CADPS2: variants seen among roughly 807,000 people sequenced by gnomAD.
CADPS2 encodes the protein calcium dependent secretion activator 2, also known as calcium-dependent secretion activator 2.
CADPS2 carries 93 observed loss-of-function variants against 172.5 expected under a neutral mutation model. The observed-to-expected ratio is 0.54, with a 90% CI of 0.46 to 0.64. CADPS2 has a LOEUF of 0.64. Ranked by LOEUF, CADPS2 falls within the 30% of genes least tolerant of loss-of-function variation. The pLI is 0.00. For synonymous variants in CADPS2, 546 were observed against 555.2 expected (o/e 0.98, Z 0.23); for missense variants, 1,420 against 1,565.9 (o/e 0.91, Z 1.57).
chr7:122,811,296 T>C (rs1354011319), intron 1 of CADPS2, among the ~76,000 whole-genome samples: 1 of 152,186 alleles, frequency 6.6e-6, no homozygotes, highest in African/African-American at 2.4e-5. Context: ...AAGTAGCATA[T>C]GGCTGCCTTC....
chr7:122,873,770 A>C (rs1471671682), intron 1 of CADPS2, among the ~76,000 whole-genome samples: 1 of 152,190 alleles, frequency 6.6e-6, no homozygotes. Flanking sequence ...TAGTTAAACT[A>C]ATTTACACTC....
chr7:122,568,487 TATATA>T (rs983757792), intron 7 of CADPS2, among the ~76,000 whole-genome samples: 7 of 152,100 alleles, frequency 4.6e-5, no homozygotes, highest in African/African-American at 1.4e-4. Flanking sequence ...ACCTAATAGC[TATATA>T]ATATAATATT....
chr7:122,347,871 A>T (rs577465350), intron 27 of CADPS2, among the ~76,000 whole-genome samples: 6 of 152,310 alleles, frequency 3.9e-5, no homozygotes, highest in African/African-American at 1.4e-4. Context: ...TGCCTCTCAA[A>T]CTTTGTCAAA....
At chr7:122,717,974 C>G (rs1224362332) in intron 2 of CADPS2, among the ~76,000 whole-genome samples, 1 of 129,700 alleles carries the variant, frequency 7.7e-6, no homozygotes. Flanking sequence ...CCACACTCGG[C>G]TAATTTTTTT....
At chr7:122,428,022 A>G (rs950448996) in intron 17 of CADPS2, among the ~76,000 whole-genome samples, 42 of 152,192 alleles carry the variant, frequency 2.8e-4, no homozygotes, top group African/African-American at 8.7e-4. Context: ...GATACCTTAC[A>G]GTTTGGTTGT....
intron 14 of CADPS2, among the ~76,000 whole-genome samples, chr7:122,466,841 G>T (rs570416668): frequency 6.6e-6 from 1 of 152,272 alleles, no homozygotes; most frequent in East Asian, 1.9e-4. Flanking sequence ...CATCAGTAGA[G>T]GAGCCAGAAC....
intron 2 of CADPS2, among the ~76,000 whole-genome samples, chr7:122,719,485 A>T (rs1265118696): frequency 1.3e-5 from 2 of 152,166 alleles, no homozygotes; most frequent in Non-Finnish European, 2.9e-5. Flanking sequence ...TTTGAAAAAC[A>T]AAGGCATGCT....
chr7:122,864,678 A>T (rs950142620), intron 1 of CADPS2, among the ~76,000 whole-genome samples: 2 of 152,218 alleles, frequency 1.3e-5, no homozygotes, highest in African/African-American at 2.4e-5. Flanking sequence ...AAGGAACAAG[A>T]CATAAAGGGA....
chr7:122,447,479 T>C (rs563596479), intron 15 of CADPS2, among the ~76,000 whole-genome samples: 1 of 151,284 alleles, frequency 6.6e-6, no homozygotes, highest in Admixed American at 6.6e-5. Flanking sequence ...ACTTTGAGGG[T>C]CTCAATTAAC....
chr7:122,610,805 T>C lies in CADPS2; in HGVS notation c.1223+4376A>G, dbSNP rs531696112. ...GATTAGTAGAGTAGAATTAATAAAA[T>C]AATCTAAGGACCATGAAAGAGCTTC... On this transcript the variant is annotated intron_variant, in intron 6 of 29. Coordinates refer to ENST00000449022, the MANE Select transcript of CADPS2 (RefSeq NM_017954.11). Among the ~76,000 whole-genome samples the C allele has an allele frequency of 7.1e-4, 108 of 152,176 alleles. 1 individual carries two copies. The highest frequency in any genetic ancestry group is 2.5e-3 in the African/African-American group (103 of 41,538).
intron 7 of CADPS2, among the ~76,000 whole-genome samples, chr7:122,567,426 G>C (rs551323295): frequency 6.6e-6 from 1 of 152,246 alleles, no homozygotes; most frequent in East Asian, 1.9e-4. Context: ...ATCGACTTTG[G>C]TGTGATGCAC....
chr7:122,327,150 G>A (rs2034025113), intron 28 of CADPS2, among the ~76,000 whole-genome samples: 1 of 152,022 alleles, frequency 6.6e-6, no homozygotes, highest in Non-Finnish European at 1.5e-5. Context: ...TAAACTTCCA[G>A]TAAATTCAAT....
At chr7:122,885,129 A>G (rs910995307) in intron 1 of CADPS2, among the ~76,000 whole-genome samples, 2 of 152,150 alleles carry the variant, frequency 1.3e-5, no homozygotes, top group Non-Finnish European at 2.9e-5. Flanking sequence ...TTGTATTGTA[A>G]ACATTTAACC....
At chr7:122,635,678 A>T (rs1430678400) in intron 3 of CADPS2, among the ~76,000 whole-genome samples, 6 of 152,068 alleles carry the variant, frequency 3.9e-5, no homozygotes, top group Non-Finnish European at 8.8e-5. Context: ...CCAGTCTATC[A>T]TTGTTGGGCA....
chr7:122,570,378 A>G (rs2067072094), intron 7 of CADPS2, among the ~76,000 whole-genome samples: 1 of 151,126 alleles, frequency 6.6e-6, no homozygotes, highest in South Asian at 2.1e-4. Flanking sequence ...AAAAGTCAGG[A>G]AACAACAGGT....
intron 8 of CADPS2, among the ~76,000 whole-genome samples, chr7:122,538,968 A>T (rs2062619529): frequency 6.6e-6 from 1 of 152,166 alleles, no homozygotes; most frequent in Non-Finnish European, 1.5e-5. Flanking sequence ...CAATGAATGT[A>T]GGTCTTAAAT....
chr7:122,842,618 A>C (rs1810874781), intron 1 of CADPS2, among the ~76,000 whole-genome samples: 2 of 152,244 alleles, frequency 1.3e-5, no homozygotes. Context: ...AAATGCTTAC[A>C]GTATTGTATA....
At chr7:122,333,197 A>G (rs2035281720) in intron 28 of CADPS2, among the ~76,000 whole-genome samples, 1 of 152,232 alleles carries the variant, frequency 6.6e-6, no homozygotes, top group African/African-American at 2.4e-5. Flanking sequence ...AACATAGTAT[A>G]TAAAATTCTG....
At position 122,676,765 on chromosome 7, in the gene CADPS2, C is replaced by G. The variant is rs2082419735; in HGVS notation, c.454-13196G>C. ...GATCCAGATTATCATGGAGAAACTT[C>G]TCCAGACTGTGAACCAAACCATCAT... On this transcript the variant is annotated intron_variant, in intron 2 of 29. Coordinates refer to ENST00000449022, the MANE Select transcript of CADPS2 (RefSeq NM_017954.11). 3 of 1,177,792 alleles carry G rather than the reference C, an allele frequency of 2.5e-6. No individual in the cohort carries two copies. In the South Asian group the frequency reaches 4.2e-5, roughly 16 times the overall value. The allele number at this position is 1,177,792 out of a possible 1,614,324, so 73.0% of individuals were successfully genotyped here.
Sources: allele counts gnomAD v4.1 joint callset (sites outside exome capture counted in the v4.1 genomes callset), GRCh38; gene constraint gnomAD v4.1.1; transcripts MANE v1.5; gene names NCBI Gene and HGNC (gene_info 2026-07-23, HGNC 2026-07-21).